PIGL: variants seen among roughly 807,000 people sequenced by gnomAD.
PIGL encodes the protein N-acetylglucosaminyl-phosphatidylinositol de-N-acetylase.
PIGL carries 22 observed loss-of-function variants against 31.1 expected under a neutral mutation model. That is an observed-to-expected ratio of 0.71 (90% CI 0.51 to 1.01). The LOEUF is 1.01. PIGL is among the 50% of genes least tolerant of loss of function. The pLI is 0.00. For missense variants in PIGL, 302 were observed against 315.9 expected (o/e 0.96, Z 0.33); for synonymous variants, 131 against 117.4 (o/e 1.12, Z -0.75).
chr17:16,276,482 C>T (rs982995173), intron 2 of PIGL, among the ~76,000 whole-genome samples: 18 of 152,330 alleles, frequency 1.2e-4, no homozygotes, highest in African/African-American at 4.1e-4. Context: ...CCTATAATCC[C>T]AGCACTTTGG....
intron 2 of PIGL, among the ~76,000 whole-genome samples, chr17:16,266,408 A>AAG (rs2092843331): frequency 6.6e-6 from 1 of 150,596 alleles, no homozygotes; most frequent in Non-Finnish European, 1.5e-5. Context: ...AAAAAAAAAA[A>AAG]GAATGAATAT....
intron 6 of PIGL, among the ~76,000 whole-genome samples, chr17:16,323,262 T>G (rs1307609131): frequency 6.6e-6 from 1 of 152,032 alleles, no homozygotes; most frequent in African/African-American, 2.4e-5. Context: ...AGACAGAGTT[T>G]CACTCTTGGT....
At chr17:16,271,254 C>T (rs892147627) in intron 2 of PIGL, among the ~76,000 whole-genome samples, 1 of 152,154 alleles carries the variant, frequency 6.6e-6, no homozygotes, top group Non-Finnish European at 1.5e-5. Context: ...CTCAAGCAGT[C>T]CAGGATCAGT....
At chr17:16,298,937 G>A (rs372722784) in intron 2 of PIGL, among the ~76,000 whole-genome samples, 14 of 151,632 alleles carry the variant, frequency 9.2e-5, no homozygotes, top group African/African-American at 3.4e-4. Flanking sequence ...CTGAGCAGGA[G>A]AACCATTCGA....
intron 2 of PIGL, among the ~76,000 whole-genome samples, chr17:16,239,482 CAAAAAAA>C (rs1161685972): frequency 9.9e-5 from 14 of 141,214 alleles, no homozygotes; most frequent in Middle Eastern, 3.5e-3. Flanking sequence ...GACTCTGTCT[CAAAAAAA>C]TAAAAAAGAA....
chr17:16,287,993 A>G (rs1032242097), intron 2 of PIGL, among the ~76,000 whole-genome samples: 3 of 152,214 alleles, frequency 2.0e-5, no homozygotes, highest in African/African-American at 7.2e-5. Context: ...CATATAGGCA[A>G]GTTACCTTCT....
chr17:16,270,915 A>G (rs2092869208), intron 2 of PIGL, among the ~76,000 whole-genome samples: 1 of 151,920 alleles, frequency 6.6e-6, no homozygotes, highest in Non-Finnish European at 1.5e-5. Context: ...AGAAAAGGAA[A>G]AGTAGTCATG....
chr17:16,272,857 G>T (rs1048010535), intron 2 of PIGL, among the ~76,000 whole-genome samples: 1 of 152,052 alleles, frequency 6.6e-6, no homozygotes, highest in Admixed American at 6.6e-5. Context: ...CTTGTCATCT[G>T]CCTGGTCCTC....
At chr17:16,221,345 T>C (rs527408459) in intron 1 of PIGL, among the ~76,000 whole-genome samples, 2 of 152,140 alleles carry the variant, frequency 1.3e-5, no homozygotes, top group Non-Finnish European at 2.9e-5. Context: ...AACTAAAAGC[T>C]GACTGGATCA....
At chr17:16,265,831 G>A (rs551901079) in intron 2 of PIGL, among the ~76,000 whole-genome samples, 10 of 151,972 alleles carry the variant, frequency 6.6e-5, no homozygotes, top group South Asian at 4.2e-4. Flanking sequence ...TTCAGACCCC[G>A]CATTTCCCCC....
intron 2 of PIGL, among the ~76,000 whole-genome samples, chr17:16,262,315 A>C (rs537079598): frequency 6.6e-6 from 1 of 152,346 alleles, no homozygotes; most frequent in African/African-American, 2.4e-5. Context: ...ATGGCCCCAA[A>C]TCACATGAAA....
intron 2 of PIGL, among the ~76,000 whole-genome samples, chr17:16,285,272 C>G (rs1043145262): frequency 6.6e-6 from 1 of 152,234 alleles, no homozygotes; most frequent in African/African-American, 2.4e-5. Context: ...CCTTGCTAAT[C>G]CTTTTTATAT....
intron 2 of PIGL, among the ~76,000 whole-genome samples, chr17:16,239,123 C>T (rs1442250423): frequency 6.6e-6 from 1 of 151,800 alleles, no homozygotes; most frequent in African/African-American, 2.4e-5. Context: ...TTGCTTGAGG[C>T]CAGAAGTTCA....
At chr17:16,224,147 G>A (rs994097380) in intron 1 of PIGL, among the ~76,000 whole-genome samples, 2 of 151,724 alleles carry the variant, frequency 1.3e-5, no homozygotes, top group African/African-American at 2.4e-5. Flanking sequence ...CCTGGGAGGC[G>A]GAGGTTGCAG....
intron 2 of PIGL, 34 bp downstream of exon 2, chr17:16,234,104 G>A: frequency 8.2e-7 from 1 of 1,225,422 alleles, no homozygotes; most frequent in Non-Finnish European, 1.2e-6. Flanking sequence ...GAAATTTATT[G>A]GCAATAAATA....
At chr17:16,265,829 C>T (rs1253042324) in intron 2 of PIGL, among the ~76,000 whole-genome samples, 1 of 151,962 alleles carries the variant, frequency 6.6e-6, no homozygotes, top group Non-Finnish European at 1.5e-5. Context: ...GCTTCAGACC[C>T]CGCATTTCCC....
intron 1 of PIGL, 55 bp downstream of exon 1, chr17:16,217,516 G>C (rs150365481): frequency 7.3e-7 from 1 of 1,378,230 alleles, no homozygotes; most frequent in African/African-American, 1.4e-5. Context: ...GGATTTAAGT[G>C]CTAACCGATC....
At chr17:16,264,919 G>A (rs796357862) in intron 2 of PIGL, among the ~76,000 whole-genome samples, 18 of 152,196 alleles carry the variant, frequency 1.2e-4, no homozygotes, top group African/African-American at 4.3e-4. Context: ...GAGCCACCGC[G>A]CCTGGCTACT....
At chr17:16,304,483 T>A (rs1337003340) in intron 3 of PIGL, among the ~76,000 whole-genome samples, 1 of 152,076 alleles carries the variant, frequency 6.6e-6, no homozygotes, top group African/African-American at 2.4e-5. Context: ...GCTGGGTGGG[T>A]GCAATGGCTC....
Sources: gnomAD v4.1 joint callset for allele counts (sites outside exome capture counted in the v4.1 genomes callset) on GRCh38, gnomAD v4.1.1 for gene constraint, MANE v1.5 for transcripts, NCBI Gene and HGNC (gene_info 2026-07-23, HGNC 2026-07-21) for gene names.